SENP7: variants seen among roughly 807,000 people sequenced by gnomAD.
SENP7 encodes sentrin-specific protease 7.
Under a neutral mutation model 141.2 loss-of-function variants are expected in SENP7, and 64 were observed. The ratio of observed to expected loss-of-function variants is 0.45; its 90% confidence interval spans 0.37 to 0.56. The LOEUF (loss-of-function observed/expected upper bound fraction) is 0.56, where lower values mean the gene tolerates loss of function less well. SENP7 is among the 20% of genes least tolerant of loss of function. The pLI is 0.00. For synonymous variants in SENP7, 382 were observed against 426.4 expected, an observed-to-expected ratio of 0.90 and a Z score of 1.28; for missense variants, 1,025 against 1,212.2, an observed-to-expected ratio of 0.85 and a Z score of 2.29.
chr3:101,467,018 C>T (rs2063780782), intron 3 of SENP7, among the ~76,000 whole-genome samples: 3 of 152,224 alleles, frequency 2.0e-5, no homozygotes, highest in African/African-American at 7.2e-5. Flanking sequence ...AACCAGCAGA[C>T]AAGGTGATTC....
At chr3:101,373,040 C>A (rs1426212613) in intron 6 of SENP7, among the ~76,000 whole-genome samples, 2 of 151,792 alleles carry the variant, frequency 1.3e-5, no homozygotes, top group Non-Finnish European at 2.9e-5. Context: ...GTAATGCTTC[C>A]TTGTTTTGAG....
intron 9 of SENP7, among the ~76,000 whole-genome samples, chr3:101,365,722 C>T (rs1180227978): frequency 2.0e-5 from 3 of 148,260 alleles, no homozygotes; most frequent in Admixed American, 6.7e-5. Flanking sequence ...TAAATTTATT[C>T]AATTTAGAAA....
chr3:101,439,724 AG>A (rs1386608210), intron 4 of SENP7, among the ~76,000 whole-genome samples: 9 of 12,568 alleles, frequency 7.2e-4, no homozygotes, highest in African/African-American at 1.1e-3. Context: ...GGAGGGAGGT[AG>A]GGGGGTCAGC....
At chr3:101,376,812 CAG>C (rs923664400) in intron 6 of SENP7, among the ~76,000 whole-genome samples, 15 of 151,020 alleles carry the variant, frequency 9.9e-5, no homozygotes, top group Non-Finnish European at 5.9e-5. Context: ...GAAAAAAAAA[CAG>C]AAGAATTTGA....
At chr3:101,495,170 T>C (rs557958762) in intron 2 of SENP7, among the ~76,000 whole-genome samples, 111 of 152,110 alleles carry the variant, frequency 7.3e-4, no homozygotes, top group African/African-American at 2.4e-3. Flanking sequence ...CACTGATCAT[T>C]AGAGAAATGC....
chr3:101,413,305 T>C (rs1409128820), intron 5 of SENP7, among the ~76,000 whole-genome samples: 2 of 152,154 alleles, frequency 1.3e-5, no homozygotes, highest in Admixed American at 6.5e-5. Flanking sequence ...AAGTATCAGG[T>C]AGAAAACATC....
intron 6 of SENP7, among the ~76,000 whole-genome samples, chr3:101,380,445 C>CCCCCCA (rs58844573): frequency 1.4e-4 from 18 of 128,848 alleles, no homozygotes; most frequent in South Asian, 1.4e-3. Flanking sequence ...GCCCCCCCCC[C>CCCCCCA]CACACACACA....
intron 6 of SENP7, among the ~76,000 whole-genome samples, chr3:101,383,115 C>G (rs1199017083): frequency 6.6e-6 from 1 of 152,206 alleles, no homozygotes; most frequent in East Asian, 1.9e-4. Flanking sequence ...AGAGGTGAGG[C>G]CTGGTGAGAG....
At chr3:101,387,323 C>T in intron 6 of SENP7, among the ~76,000 whole-genome samples, 1 of 152,120 alleles carries the variant, frequency 6.6e-6, no homozygotes, top group East Asian at 1.9e-4. Context: ...CACCCACCAA[C>T]ATCACAGGCA....
At chr3:101,410,020 C>A (rs1365845347) in intron 5 of SENP7, among the ~76,000 whole-genome samples, 1 of 152,112 alleles carries the variant, frequency 6.6e-6, no homozygotes, top group Non-Finnish European at 1.5e-5. Flanking sequence ...GGGAAAAAAT[C>A]TTCACAATGT....
At chr3:101,463,756 T>A (rs754216870) in intron 3 of SENP7, among the ~76,000 whole-genome samples, 1 of 152,008 alleles carries the variant, frequency 6.6e-6, no homozygotes, top group Non-Finnish European at 1.5e-5. Flanking sequence ...AGCAGCCAAG[T>A]AGAAGAAGAC....
intron 4 of SENP7, among the ~76,000 whole-genome samples, chr3:101,451,904 G>A (rs563352747): frequency 2.4e-4 from 36 of 152,270 alleles, no homozygotes; most frequent in African/African-American, 8.4e-4. Flanking sequence ...ATTCAATTAG[G>A]AAATGAGGAA....
intron 3 of SENP7, among the ~76,000 whole-genome samples, chr3:101,471,814 C>T (rs1389954564): frequency 6.6e-6 from 1 of 152,160 alleles, no homozygotes; most frequent in South Asian, 2.1e-4. Flanking sequence ...AAAAAACAAA[C>T]AACCCCCTCA....
At chr3:101,458,834 G>C in intron 4 of SENP7, 121 bp downstream of exon 4, 1 of 605,210 alleles carries the variant, frequency 1.7e-6, no homozygotes, top group South Asian at 2.5e-5. Flanking sequence ...AGAGTCCACT[G>C]AATTCAAACC....
At chr3:101,445,885 T>C (rs770708375) in intron 4 of SENP7, among the ~76,000 whole-genome samples, 1 of 152,088 alleles carries the variant, frequency 6.6e-6, no homozygotes, top group Non-Finnish European at 1.5e-5. Flanking sequence ...CACAGAAATA[T>C]AAAGTACATA....
chr3:101,340,257 T>C (rs199631220), intron 15 of SENP7, 46 bp from the exon 16 acceptor site: 221 of 1,528,460 alleles, frequency 1.4e-4, no homozygotes, highest in Admixed American at 1.3e-3. Context: ...TTGAAAATCC[T>C]ATTATCTAAG....
chr3:101,407,786 C>T (rs191196539), intron 5 of SENP7, among the ~76,000 whole-genome samples: 11 of 152,178 alleles, frequency 7.2e-5, no homozygotes, highest in Admixed American at 2.6e-4. Flanking sequence ...ACAGCAAAGG[C>T]GATGCTAAGA....
chr3:101,327,630 A>G, intron 23 of SENP7, 36 bp downstream of exon 23: 1 of 1,534,076 alleles, frequency 6.5e-7, no homozygotes, highest in Non-Finnish European at 8.8e-7. Flanking sequence ...TATGGTGGTA[A>G]CTGTGAATTA....
rs757905357 is a variant in SENP7 at position 101,332,000 on chromosome 3, C to T, written c.2683G>A (p.Asp895Asn). The stretch of plus-strand genomic sequence containing the variant: ...TGGATGTCACCTATTGTTTTGTTGT[C>T]ATTTTGGGACTGCTGAGCCTGGGAC... Reference protein sequence around the residue: ...QQSQAQQSQNDNKTIDNDLRT... With the variant: ...QQSQAQQSQNNNKTIDNDLRT... Residue 895 changes from aspartate (D) to asparagine (N), a missense_variant, in exon 19 of 24, where the codon GAC becomes AAC. Physicochemically the swap from Asp to Asn is conservative, Grantham distance 23. Transcript: ENST00000394095. The T allele has an allele frequency of 1.5e-5, 25 of 1,613,296 alleles. No homozygotes were observed. The African/African-American group carries it at 2.7e-4, about 17-fold the overall frequency.
Sources: allele counts gnomAD v4.1 joint callset (sites outside exome capture counted in the v4.1 genomes callset), GRCh38; gene constraint gnomAD v4.1.1; transcripts MANE v1.5; gene names NCBI Gene and HGNC (gene_info 2026-07-23, HGNC 2026-07-21).